RASSF3: variants seen among roughly 807,000 people sequenced by gnomAD.
The protein encoded by RASSF3 is ras association domain-containing protein 3.
RASSF3 carries 19 observed loss-of-function variants against 19.9 expected under a neutral mutation model. The ratio of observed to expected loss-of-function variants is 0.96; its 90% confidence interval spans 0.67 to 1.40. The LOEUF is 1.40. Among genes scored for constraint, RASSF3 ranks in the 40% most tolerant of loss-of-function variants. The pLI, the probability that RASSF3 is intolerant of heterozygous loss-of-function variation, is 0.00. For synonymous variants in RASSF3, 110 were observed against 104.2 expected, an observed-to-expected ratio of 1.06 and a Z score of -0.34; for missense variants, 306 against 289.8, an observed-to-expected ratio of 1.06 and a Z score of -0.41.
chr12:64,532,675 T>A (rs1466949939), upstream of RASSF3, among the ~76,000 whole-genome samples: 1 of 143,290 alleles, frequency 7.0e-6, no homozygotes, highest in Non-Finnish European at 1.5e-5. Flanking sequence ...AAAAAAAAAT[T>A]TTTTTTTTAA....
intron 1 of RASSF3, among the ~76,000 whole-genome samples, chr12:64,517,610 A>G (rs1868390026): frequency 7.1e-6 from 1 of 139,990 alleles, no homozygotes; most frequent in Admixed American, 7.7e-5. Flanking sequence ...ACATACATAT[A>G]TACACACACA....
intron 1 of RASSF3, among the ~76,000 whole-genome samples, chr12:64,632,382 A>G (rs1871196820): frequency 6.6e-6 from 1 of 152,182 alleles, no homozygotes; most frequent in Non-Finnish European, 1.5e-5. Flanking sequence ...GGAGAAATAA[A>G]GTGGTCAGAC....
chr12:64,568,793 T>C (rs1017242938), intron 2 of RASSF3, among the ~76,000 whole-genome samples: 3 of 151,950 alleles, frequency 2.0e-5, no homozygotes, highest in African/African-American at 4.8e-5. Flanking sequence ...CACTGCAACC[T>C]CCGCCTCCCT....
chr12:64,652,277 A>G (rs1323987751), intron 1 of RASSF3, among the ~76,000 whole-genome samples: 1 of 152,192 alleles, frequency 6.6e-6, no homozygotes. Flanking sequence ...CTTTAAAGAC[A>G]ATGTTCATTG....
At chr12:64,577,290 T>TGAG (rs1869610838) in intron 2 of RASSF3, among the ~76,000 whole-genome samples, 1 of 152,216 alleles carries the variant, frequency 6.6e-6, no homozygotes, top group Non-Finnish European at 1.5e-5. Flanking sequence ...CTTTAAGCTT[T>TGAG]CCCCATCTTT....
At chr12:64,507,499 T>C in intron 1 of RASSF3, 1 of 388,436 alleles carries the variant, frequency 2.6e-6, no homozygotes, top group South Asian at 1.4e-4. Flanking sequence ...TGAGAGAAAA[T>C]AAAATTAAGC....
chr12:64,657,668 A>G (rs1051038969), intron 1 of RASSF3, among the ~76,000 whole-genome samples: 1 of 152,224 alleles, frequency 6.6e-6, no homozygotes, highest in Non-Finnish European at 1.5e-5. Flanking sequence ...CCCATGGAGC[A>G]TCTCTTGTGT....
At chr12:64,652,015 T>C (rs771187487) in intron 1 of RASSF3, among the ~76,000 whole-genome samples, 1 of 152,212 alleles carries the variant, frequency 6.6e-6, no homozygotes, top group Admixed American at 6.5e-5. Context: ...TTACTAGATA[T>C]TCTTATTTGG....
At chr12:64,510,898 T>A (rs1868324264) in intron 1 of RASSF3, among the ~76,000 whole-genome samples, 1 of 152,178 alleles carries the variant, frequency 6.6e-6, no homozygotes, top group Admixed American at 6.6e-5. Context: ...CAAACCTGGC[T>A]ACTGAGAGCT....
At chr12:64,515,063 A>AT (rs1216959852) in intron 1 of RASSF3, among the ~76,000 whole-genome samples, 1 of 149,580 alleles carries the variant, frequency 6.7e-6, no homozygotes, top group Non-Finnish European at 1.5e-5. Context: ...ATTTTTATTT[A>AT]TTTTTTTCTT....
chr12:64,613,985 C>T (rs186490192), intron 1 of RASSF3, among the ~76,000 whole-genome samples: 213 of 152,190 alleles, frequency 1.4e-3, no homozygotes, highest in African/African-American at 5.0e-3. Flanking sequence ...AGGGAACGAA[C>T]ATATGACGTT....
intron 1 of RASSF3, among the ~76,000 whole-genome samples, chr12:64,508,783 C>T (rs1384664787): frequency 1.3e-5 from 2 of 151,988 alleles, no homozygotes; most frequent in Admixed American, 1.3e-4. Flanking sequence ...ACTCGGGAGG[C>T]AGAAGCAGGA....
intron 2 of RASSF3, among the ~76,000 whole-genome samples, chr12:64,600,645 G>A (rs1290028074): frequency 1.3e-5 from 2 of 151,978 alleles, no homozygotes; most frequent in Admixed American, 6.6e-5. Context: ...TCTTTGTAGC[G>A]TGACTGAAAG....
chr12:64,538,522 G>C (rs577746581), intron 1 of RASSF3, among the ~76,000 whole-genome samples: 1 of 152,012 alleles, frequency 6.6e-6, no homozygotes, highest in African/African-American at 2.4e-5. Context: ...AGCTCTAATT[G>C]CCACCCTTTT....
rs1309139236 is a variant in RASSF3, at chr12:64,673,807, A to C, written c.112-10980A>C. Among the ~76,000 whole-genome samples the C allele has an allele frequency of 2.6e-5, 4 of 151,970 alleles. No homozygotes were observed. The East Asian group carries it at 7.7e-4, about 29-fold the overall frequency. Reference sequence around the variant, plus strand: ...AATTGATTCCCTTTGAGAACACATCAGACTGGGATTTCTGAGTGTAATCTG... The same window carrying C: ...AATTGATTCCCTTTGAGAACACATCCGACTGGGATTTCTGAGTGTAATCTG... On this transcript the variant is annotated intron_variant, in intron 1 of 4. Coordinates refer to ENST00000542104, the MANE Select transcript of RASSF3 (RefSeq NM_178169.4).
chr12:64,652,810 A>G (rs1290607754), intron 1 of RASSF3, among the ~76,000 whole-genome samples: 1 of 152,216 alleles, frequency 6.6e-6, no homozygotes, highest in African/African-American at 2.4e-5. Flanking sequence ...GATTTGCAGT[A>G]TAATTCTATT....
chr12:64,642,324 C>T lies in RASSF3; in HGVS notation c.111+31581C>T, dbSNP rs543131398. 1.3e-3 allele frequency among the ~76,000 whole-genome samples: 198 copies of T among 151,838 alleles called. 4 individuals are homozygous for T. Among genetic ancestry groups the T allele is most frequent in the Non-Finnish European group, 8.8e-5 (6 of 67,930 alleles). On this transcript the variant is annotated intron_variant, in intron 1 of 4. Transcript: ENST00000542104. The stretch of plus-strand genomic sequence containing the variant: ...CCTGTAATCCCAGCACTTTGGGAGG[C>T]CGAGGCAGGCAGATCACCTAAGGTC...
At chr12:64,508,233 G>A (rs1868303598) in intron 1 of RASSF3, among the ~76,000 whole-genome samples, 1 of 152,078 alleles carries the variant, frequency 6.6e-6, no homozygotes, top group Non-Finnish European at 1.5e-5. Flanking sequence ...AACAAGTGAC[G>A]ACTGGGCACC....
upstream of RASSF3, among the ~76,000 whole-genome samples, chr12:64,608,959 T>C (rs915186835): frequency 2.0e-5 from 3 of 152,144 alleles, no homozygotes; most frequent in Non-Finnish European, 2.9e-5. Flanking sequence ...GTAGGACCTT[T>C]AAAATGGGCT....
Sources: gnomAD v4.1 joint callset for allele counts (sites outside exome capture counted in the v4.1 genomes callset) on GRCh38, gnomAD v4.1.1 for gene constraint, MANE v1.5 for transcripts, NCBI Gene and HGNC (gene_info 2026-07-23, HGNC 2026-07-21) for gene names.